Variants in MSRA observed in about 807,000 individuals in gnomAD.
MSRA encodes methionine sulfoxide reductase A.
In MSRA, 54 loss-of-function variants were observed where a neutral mutation model predicts 31.3. The observed-to-expected ratio is 1.73, with a 90% CI of 1.39 to 2.17. MSRA has a LOEUF of 2.17. MSRA is among the 30% of genes most tolerant of loss of function. The pLI, the probability that MSRA is intolerant of heterozygous loss-of-function variation, is 0.00. For missense variants in MSRA, 507 were observed against 300.9 expected, an observed-to-expected ratio of 1.69 and a Z score of -5.07; for synonymous variants, 169 against 116.5, an observed-to-expected ratio of 1.45 and a Z score of -2.90.
chr8:10,315,945 C>T (rs10111917), intron 4 of MSRA, among the ~76,000 whole-genome samples: 23,675 of 152,216 alleles, frequency 0.16, 2,235 homozygotes, highest in African/African-American at 0.26. Flanking sequence ...TTTGACCTTT[C>T]ATGAAGAAAT....
At chr8:10,357,004 C>G (rs929536767) in intron 5 of MSRA, among the ~76,000 whole-genome samples, 2 of 151,884 alleles carry the variant, frequency 1.3e-5, no homozygotes, top group African/African-American at 4.8e-5. Flanking sequence ...TCCCCATAAG[C>G]TGGCATGCTT....
At chr8:10,248,213 C>T (rs1389035237) in intron 3 of MSRA, among the ~76,000 whole-genome samples, 1 of 152,200 alleles carries the variant, frequency 6.6e-6, no homozygotes, top group African/African-American at 2.4e-5. Flanking sequence ...AAACTTTGAT[C>T]ACAATCCGTG....
chr8:10,170,601 T>A (rs1805508671), intron 1 of MSRA, among the ~76,000 whole-genome samples: 1 of 152,194 alleles, frequency 6.6e-6, no homozygotes, highest in Non-Finnish European at 1.5e-5. Context: ...TATCAACCAT[T>A]TGCAAAGCAT....
intron 5 of MSRA, among the ~76,000 whole-genome samples, chr8:10,424,334 G>T (rs1207638020): frequency 6.6e-6 from 1 of 152,292 alleles, no homozygotes; most frequent in African/African-American, 2.4e-5. Context: ...GGGTGAATCA[G>T]GGAGAAGGGC....
chr8:10,221,073 G>A (rs1023574800), intron 2 of MSRA, among the ~76,000 whole-genome samples: 1 of 152,198 alleles, frequency 6.6e-6, no homozygotes, highest in Non-Finnish European at 1.5e-5. Context: ...ATGGCCACAT[G>A]ATGGGGAAAG....
rs1455436681 is a variant in MSRA, at chr8:10,195,273, C to T, written c.143-12560C>T. ...TTGTTTGTTTGTTTTTTGAGTCTCA[C>T]TCTGTCGCCCAGGCTTCAGTGCAGT... On this transcript the variant is annotated intron_variant, in intron 1 of 5. Coordinates refer to ENST00000317173, the MANE Select transcript of MSRA (RefSeq NM_012331.5). Among the ~76,000 whole-genome samples the T allele has an allele frequency of 2.0e-5, 3 of 152,328 alleles. No homozygotes were observed. In the East Asian group the frequency reaches 5.8e-4, roughly 29 times the overall value.
intron 5 of MSRA, among the ~76,000 whole-genome samples, chr8:10,400,890 A>T (rs1431039849): frequency 6.6e-6 from 1 of 152,206 alleles, no homozygotes; most frequent in Admixed American, 6.5e-5. Flanking sequence ...TGGATCAAAG[A>T]CCTAAATATA....
Position 10,155,002 on chromosome 8 carries a change from T to TTATATATATATATATATATATA in MSRA, c.143-52819_143-52818insTATATATATATATATATATATA, listed in dbSNP as rs528753270. 3.5e-3 allele frequency among the ~76,000 whole-genome samples: 438 copies of TTATATATATATATATATATATA among 123,924 alleles called. 25 individuals are homozygous for TTATATATATATATATATATATA. Among genetic ancestry groups the TTATATATATATATATATATATA allele is most frequent in the African/African-American group, 0.013 (405 of 30,904 alleles). The allele number at this position is 123,924 out of a possible 152,430, so 81.3% of individuals were successfully genotyped here. A position where few individuals can be genotyped will look rare whatever the true frequency, so the allele number is the denominator to read the frequency against. Reference sequence around the variant, plus strand: ...AATAGTTTGATAATGTGTATATATTTTATATATATATAGGTTTTACCTTGC... The same window carrying TTATATATATATATATATATATA: ...AATAGTTTGATAATGTGTATATATTTTATATATATATATATATATATATATATATATATAGGTTTTACCTTGC... On this transcript the variant is annotated intron_variant, in intron 1 of 5. Transcript: ENST00000317173.
chr8:10,124,784 G>T (rs2129020020), intron 1 of MSRA, among the ~76,000 whole-genome samples: 1 of 146,904 alleles, frequency 6.8e-6, no homozygotes, highest in Middle Eastern at 3.5e-3. Context: ...TTATGGATTA[G>T]ATATGAATTC....
intron 1 of MSRA, among the ~76,000 whole-genome samples, chr8:10,125,564 G>A (rs1422094239): frequency 1.3e-5 from 2 of 152,144 alleles, no homozygotes; most frequent in Admixed American, 6.5e-5. Context: ...GAGAACATTG[G>A]GGGCCAGGCT....
chr8:10,424,681 G>C (rs1292158407), intron 5 of MSRA, among the ~76,000 whole-genome samples: 1 of 151,978 alleles, frequency 6.6e-6, no homozygotes, highest in Non-Finnish European at 1.5e-5. Flanking sequence ...GCCCGGGGTG[G>C]GTTGGATCGG....
chr8:10,422,625 A>G (rs1440842177), intron 5 of MSRA, among the ~76,000 whole-genome samples: 1 of 152,122 alleles, frequency 6.6e-6, no homozygotes, highest in Non-Finnish European at 1.5e-5. Context: ...AAGTCAAGAT[A>G]CTTGGAGTCA....
chr8:10,321,941 T>G (rs1027046081), intron 5 of MSRA, among the ~76,000 whole-genome samples: 3 of 152,234 alleles, frequency 2.0e-5, no homozygotes, highest in Non-Finnish European at 2.9e-5. Context: ...GTATATACTT[T>G]GAAGCTGCTA....
chr8:10,129,742 G>C (rs1311111924), intron 1 of MSRA, among the ~76,000 whole-genome samples: 1 of 152,132 alleles, frequency 6.6e-6, no homozygotes, highest in Non-Finnish European at 1.5e-5. Context: ...CCAGTTATTA[G>C]GAAAAATAAA....
intron 5 of MSRA, among the ~76,000 whole-genome samples, chr8:10,408,352 T>C (rs1218348907): frequency 6.6e-6 from 1 of 152,016 alleles, no homozygotes; most frequent in Non-Finnish European, 1.5e-5. Context: ...CCCTGGGCAA[T>C]GCGGTGAAAC....
At chr8:10,144,881 A>G (rs1189463457) in intron 1 of MSRA, among the ~76,000 whole-genome samples, 2 of 152,164 alleles carry the variant, frequency 1.3e-5, no homozygotes, top group Non-Finnish European at 2.9e-5. Context: ...GACAAGACAC[A>G]TGTAAACCCC....
intron 3 of MSRA, among the ~76,000 whole-genome samples, chr8:10,292,209 G>A (rs1800273258): frequency 6.6e-6 from 1 of 152,212 alleles, no homozygotes; most frequent in Non-Finnish European, 1.5e-5. Flanking sequence ...TCTAGGGACT[G>A]GTCATTGGCA....
chr8:10,422,245 C>T (rs1185732541), intron 5 of MSRA, among the ~76,000 whole-genome samples: 4 of 152,278 alleles, frequency 2.6e-5, no homozygotes, highest in Admixed American at 1.3e-4. Context: ...ATGGTTGCAC[C>T]AGTGTACTCC....
At chr8:10,251,044 C>T (rs1797890093) in intron 3 of MSRA, 1 of 152,218 alleles carries the variant, frequency 6.6e-6, no homozygotes. Context: ...ATGCCTGGCA[C>T]AGCACACGGA....
Sources: allele counts gnomAD v4.1 joint callset (sites outside exome capture counted in the v4.1 genomes callset), GRCh38; gene constraint gnomAD v4.1.1; transcripts MANE v1.5; gene names NCBI Gene and HGNC (gene_info 2026-07-23, HGNC 2026-07-21).